Variants in LYPLAL1 observed in about 807,000 individuals in gnomAD.
LYPLAL1 encodes lysophospholipase-like protein 1.
A neutral mutation model predicts 19.7 loss-of-function variants in LYPLAL1; 23 were observed. The observed-to-expected ratio is 1.17, with a 90% confidence interval of 0.84 to 1.65. The LOEUF is 1.65. LYPLAL1 is among the 40% of genes most tolerant of loss of function. The pLI is 0.00. For synonymous variants in LYPLAL1, 119 were observed against 96.3 expected (o/e 1.24, Z -1.38); for missense variants, 355 against 279.4 (o/e 1.27, Z -1.93).
At chr1:219,364,691 A>T in the LYPLAL1 span, among the ~76,000 whole-genome samples, 6 of 152,218 alleles carry the variant, frequency 3.9e-5, no homozygotes, top group Non-Finnish European at 8.8e-5. Context: ...TTTAAATAAA[A>T]TAAAGAAATA....
At chr1:219,399,999 G>C in the LYPLAL1 span, among the ~76,000 whole-genome samples, 1 of 152,256 alleles carries the variant, frequency 6.6e-6, no homozygotes, top group South Asian at 2.1e-4. Flanking sequence ...GTCTGTGGTG[G>C]TCAAGGGGTC....
the LYPLAL1 span, among the ~76,000 whole-genome samples, chr1:219,371,703 C>T: frequency 5.3e-5 from 8 of 152,168 alleles, no homozygotes; most frequent in Non-Finnish European, 8.8e-5. Flanking sequence ...AGAAGACAAA[C>T]GCCAAGCTGT....
the LYPLAL1 span, among the ~76,000 whole-genome samples, chr1:219,343,839 C>T: frequency 6.6e-6 from 1 of 150,610 alleles, no homozygotes; most frequent in Non-Finnish European, 1.5e-5. Context: ...ACTTTGCCTT[C>T]GCATATCTAC....
At chr1:219,294,281 C>G in the LYPLAL1 span, among the ~76,000 whole-genome samples, 3 of 152,162 alleles carry the variant, frequency 2.0e-5, no homozygotes, top group Non-Finnish European at 4.4e-5. Context: ...CTTGGCTTCC[C>G]TTACTCAATT....
chr1:219,395,693 G>A, the LYPLAL1 span, among the ~76,000 whole-genome samples: 3 of 152,234 alleles, frequency 2.0e-5, no homozygotes, highest in Non-Finnish European at 4.4e-5. Context: ...ATCTTTAGCT[G>A]TTCCTACATC....
chr1:219,191,354 T>A (rs1412979886), intron 2 of LYPLAL1, among the ~76,000 whole-genome samples: 1 of 151,596 alleles, frequency 6.6e-6, no homozygotes, highest in African/African-American at 2.4e-5. Context: ...CCAAATTAAT[T>A]CCCATTATTA....
the LYPLAL1 span, among the ~76,000 whole-genome samples, chr1:219,301,045 G>A: frequency 6.9e-6 from 1 of 145,722 alleles, no homozygotes; most frequent in Non-Finnish European, 1.5e-5. Context: ...AACATAGCAA[G>A]ACTCCACCTC....
the LYPLAL1 span, among the ~76,000 whole-genome samples, chr1:219,246,294 C>G: frequency 6.6e-6 from 1 of 151,986 alleles, no homozygotes; most frequent in African/African-American, 2.4e-5. Flanking sequence ...CTGCAGGATC[C>G]TCTAATGAGA....
chr1:219,244,927 ACAAAAAAC>A, the LYPLAL1 span, among the ~76,000 whole-genome samples: 1 of 150,290 alleles, frequency 6.7e-6, no homozygotes, highest in Non-Finnish European at 1.5e-5. Context: ...AAAAAAAAAA[ACAAAAAAC>A]ACTTGCCATA....
the LYPLAL1 span, among the ~76,000 whole-genome samples, chr1:219,347,458 G>A: frequency 2.6e-5 from 4 of 152,218 alleles, no homozygotes; most frequent in South Asian, 4.1e-4. Flanking sequence ...GCTGTGAGAA[G>A]GATTCTTGAT....
At chr1:219,354,407 A>G in the LYPLAL1 span, among the ~76,000 whole-genome samples, 2 of 152,098 alleles carry the variant, frequency 1.3e-5, no homozygotes, top group African/African-American at 4.8e-5. Flanking sequence ...TGATGGCCAG[A>G]CTGGTCTCGA....
chr1:219,333,229 A>T, the LYPLAL1 span, among the ~76,000 whole-genome samples: 1 of 152,056 alleles, frequency 6.6e-6, no homozygotes, highest in African/African-American at 2.4e-5. Context: ...CTTTAATTTC[A>T]CTTTGCCATA....
chr1:219,422,488 AG>A, the LYPLAL1 span, among the ~76,000 whole-genome samples: 1 of 152,176 alleles, frequency 6.6e-6, no homozygotes, highest in Non-Finnish European at 1.5e-5. Flanking sequence ...GGCAGGACAA[AG>A]GGTACATAGC....
the LYPLAL1 span, among the ~76,000 whole-genome samples, chr1:219,363,624 CTTA>C: frequency 6.6e-6 from 1 of 152,096 alleles, no homozygotes; most frequent in South Asian, 2.1e-4. Context: ...GTAGGTAAAA[CTTA>C]TTCTTCTTCC....
At chr1:219,372,052 G>A in the LYPLAL1 span, among the ~76,000 whole-genome samples, 1 of 152,052 alleles carries the variant, frequency 6.6e-6, no homozygotes, top group East Asian at 1.9e-4. Context: ...ATTATCTGGG[G>A]ATCTAGTTCC....
At chr1:219,439,977 A>G in the LYPLAL1 span, among the ~76,000 whole-genome samples, 3 of 61,448 alleles carry the variant, frequency 4.9e-5, no homozygotes, top group South Asian at 8.7e-4. Context: ...ATATATACAT[A>G]TATATATATA....
the LYPLAL1 span, among the ~76,000 whole-genome samples, chr1:219,344,758 T>G: frequency 6.6e-6 from 1 of 152,214 alleles, no homozygotes; most frequent in East Asian, 1.9e-4. Flanking sequence ...TCTCCTTGAC[T>G]TCTTCTATTT....
At chr1:219,292,015 C>T in the LYPLAL1 span, among the ~76,000 whole-genome samples, 1 of 152,164 alleles carries the variant, frequency 6.6e-6, no homozygotes, top group African/African-American at 2.4e-5. Flanking sequence ...TTCTTAGTCT[C>T]CTGCTCTTCA....
chr1:219,292,662 T>C, the LYPLAL1 span, among the ~76,000 whole-genome samples: 3 of 152,214 alleles, frequency 2.0e-5, no homozygotes, highest in Non-Finnish European at 4.4e-5. Flanking sequence ...ACTGATTTCA[T>C]CTTTAGGATA....
Sources: allele counts gnomAD v4.1 joint callset (sites outside exome capture counted in the v4.1 genomes callset), GRCh38; gene constraint gnomAD v4.1.1; transcripts MANE v1.5; gene names NCBI Gene and HGNC (gene_info 2026-07-23, HGNC 2026-07-21).